The following RNF138 variants were observed in gnomAD, a reference collection of about 807,000 sequenced individuals.
RNF138 encodes E3 ubiquitin-protein ligase RNF138.
Under a neutral mutation model 31.0 loss-of-function variants are expected in RNF138, and 12 were observed. The ratio of observed to expected loss-of-function variants is 0.39; its 90% confidence interval spans 0.25 to 0.63. The LOEUF is 0.63. Among genes scored for constraint, RNF138 ranks in the 20% least tolerant of loss-of-function variants. RNF138 has a pLI of 0.52. For missense variants in RNF138, 192 were observed against 300.1 expected (o/e 0.64, Z 2.66); for synonymous variants, 105 against 99.5 (o/e 1.06, Z -0.33).
chr18:32,104,913 G>T (rs1210551753), intron 2 of RNF138, among the ~76,000 whole-genome samples: 1 of 152,038 alleles, frequency 6.6e-6, no homozygotes, highest in Non-Finnish European at 1.5e-5. Context: ...AAGAGCTAAT[G>T]ATTATGAATA....
intron 4 of RNF138, among the ~76,000 whole-genome samples, chr18:32,117,389 T>C (rs1437315689): frequency 6.6e-6 from 1 of 152,078 alleles, no homozygotes; most frequent in Non-Finnish European, 1.5e-5. Context: ...AATGGTGTGC[T>C]CTGGGTCTAC....
At chr18:32,099,837 A>C (rs2039887755) in intron 2 of RNF138, among the ~76,000 whole-genome samples, 1 of 152,242 alleles carries the variant, frequency 6.6e-6, no homozygotes, top group African/African-American at 2.4e-5. Flanking sequence ...TTACTTACTT[A>C]AGCCTACTAA....
At chr18:32,126,582 T>G (rs2144294812) in intron 6 of RNF138, 111 bp from the exon 7 acceptor site, 1 of 605,818 alleles carries the variant, frequency 1.7e-6, no homozygotes. Flanking sequence ...TAAAAATGCT[T>G]CTCACGTAGA....
At chr18:32,108,626 G>A (rs1568231656) in intron 2 of RNF138, among the ~76,000 whole-genome samples, 1 of 152,078 alleles carries the variant, frequency 6.6e-6, no homozygotes, top group Non-Finnish European at 1.5e-5. Context: ...GTGTGGCTAT[G>A]AACTTTCTAG....
intron 2 of RNF138, among the ~76,000 whole-genome samples, chr18:32,107,108 CTTTTTTCCTTTTTTTT>C (rs2040043380): frequency 7.4e-6 from 1 of 136,024 alleles, no homozygotes; most frequent in Non-Finnish European, 1.5e-5. Flanking sequence ...ATTCACTTTC[CTTTTTTCCTTTTTTTT>C]TTTTTTTTTT....
At chr18:32,109,270 C>T (rs1012153292) in intron 2 of RNF138, among the ~76,000 whole-genome samples, 1 of 151,842 alleles carries the variant, frequency 6.6e-6, no homozygotes, top group Admixed American at 6.6e-5. Context: ...CCTCTCACCT[C>T]AGCCTCCTGA....
intron 2 of RNF138, among the ~76,000 whole-genome samples, chr18:32,108,369 C>T (rs1433221371): frequency 6.6e-6 from 1 of 152,056 alleles, no homozygotes; most frequent in Non-Finnish European, 1.5e-5. Context: ...TTATCCTGAC[C>T]TTTAACATAG....
intron 2 of RNF138, among the ~76,000 whole-genome samples, chr18:32,098,560 A>G (rs1233506547): frequency 4.3e-3 from 1 of 232 alleles, no homozygotes; most frequent in Non-Finnish European, 8.8e-3. Context: ...TAATTATATA[A>G]TAAAGGTTGA....
chr18:32,107,898 T>C (rs909425108), intron 2 of RNF138, among the ~76,000 whole-genome samples: 5 of 151,724 alleles, frequency 3.3e-5, no homozygotes, highest in Non-Finnish European at 7.4e-5. Context: ...ATTCTCGCTC[T>C]GTCGCCCAGA....
intron 2 of RNF138, among the ~76,000 whole-genome samples, chr18:32,106,576 G>A (rs866019868): frequency 6.6e-5 from 9 of 135,822 alleles, no homozygotes; most frequent in African/African-American, 2.5e-4. Context: ...TTATTTATTT[G>A]TTTATTGAGA....
At chr18:32,122,285 G>A (rs549331667) in intron 4 of RNF138, 14 of 152,158 alleles carry the variant, frequency 9.2e-5, no homozygotes, top group African/African-American at 3.4e-4. Context: ...TTTTCACTGT[G>A]TACACATTGT....
intron 2 of RNF138, 71 bp downstream of exon 2, chr18:32,092,957 G>A (rs1462099203): frequency 3.8e-5 from 33 of 874,452 alleles, no homozygotes; most frequent in Non-Finnish European, 5.3e-5. Flanking sequence ...CCGGGACCCC[G>A]GGCTGCCGCC....
rs542088868 is a variant in RNF138, at chr18:32,091,932, T to G, written c.-381T>G. The G allele has an allele frequency of 2.0e-5, 3 of 152,498 alleles. No individual in the cohort carries two copies. The highest frequency in any genetic ancestry group is 7.2e-5 in the African/African-American group (3 of 41,594). The allele number at this position is 152,498 out of a possible 1,614,324, so 9.4% of individuals were successfully genotyped here. ...ACACCCCGTGCCTCCCCGCCTCTCC[T>G]GGCTCCTCCGCCCAGATCCCCGGCG... On this transcript the variant is annotated 5_prime_UTR_variant, in exon 1 of 8. Coordinates refer to ENST00000261593, the MANE Select transcript of RNF138 (RefSeq NM_016271.5).
At chr18:32,099,810 G>A (rs2039886849) in intron 2 of RNF138, among the ~76,000 whole-genome samples, 1 of 152,168 alleles carries the variant, frequency 6.6e-6, no homozygotes, top group Non-Finnish European at 1.5e-5. Context: ...TATAAAGAAA[G>A]CATCCAAGAT....
chr18:32,107,287 AT>A (rs1216028327), intron 2 of RNF138, among the ~76,000 whole-genome samples: 11 of 148,602 alleles, frequency 7.4e-5, no homozygotes, highest in Non-Finnish European at 1.5e-5. Context: ...CGCCCAGCTA[AT>A]TTTTTTTTGT....
chr18:32,113,187 C>T (rs546504471), intron 3 of RNF138, among the ~76,000 whole-genome samples: 93 of 152,176 alleles, frequency 6.1e-4, no homozygotes, highest in Non-Finnish European at 1.2e-3. Flanking sequence ...AATCCTCCTG[C>T]CTCAGCCCCA....
At position 32,099,944 on chromosome 18, in the gene RNF138, C is replaced by T. The variant is rs372611685; in HGVS notation, c.110+7058C>T. Reference sequence around the variant, plus strand: ...TAGATACAAACAAATATTTCTGATACATCACACAAGAATAATTGCAGCTCT... The same window carrying T: ...TAGATACAAACAAATATTTCTGATATATCACACAAGAATAATTGCAGCTCT... On this transcript the variant is annotated intron_variant, in intron 2 of 7. Coordinates refer to ENST00000261593, the MANE Select transcript of RNF138 (RefSeq NM_016271.5). Among the ~76,000 whole-genome samples the T allele has an allele frequency of 1.3e-3, 196 of 152,304 alleles. 1 individual carries two copies. The highest frequency in any genetic ancestry group is 4.4e-3 in the African/African-American group (183 of 41,572).
At position 32,092,806 on chromosome 18, in the gene RNF138, C is replaced by G. The variant is rs1344456738; in HGVS notation, c.30C>G (p.Ser10=). 1 of 1,596,802 alleles carries G rather than the reference C, an allele frequency of 6.3e-7. No individual in the cohort carries two copies. Reference sequence around the variant, plus strand: ...CCGAGGACCTCTCTGCGGCCACGTCCTACACCGAAGATGATTTCTACTGCC... The same window carrying G: ...CCGAGGACCTCTCTGCGGCCACGTCGTACACCGAAGATGATTTCTACTGCC... The part of the protein sequence containing the change: MAEDLSAAT[S]YTEDDFYCPV... Residue 10 remains serine, a synonymous_variant, in exon 2 of 8, where the codon TCC becomes TCG. Transcript: ENST00000261593.
intron 5 of RNF138, 45 bp from the exon 6 acceptor site, chr18:32,124,689 G>C (rs11081746): frequency 0.43 from 399,435 of 928,722 alleles, 90,786 homozygotes; most frequent in Admixed American, 0.6. Flanking sequence ...CGTTATTTTT[G>C]TGTTATTCTG....
Sources: allele counts gnomAD v4.1 joint callset (sites outside exome capture counted in the v4.1 genomes callset), GRCh38; gene constraint gnomAD v4.1.1; transcripts MANE v1.5; gene names NCBI Gene and HGNC (gene_info 2026-07-23, HGNC 2026-07-21).